The following TRIM60 variants were observed in gnomAD, a reference collection of about 807,000 sequenced individuals.
TRIM60 encodes the protein tripartite motif containing 60, also known as tripartite motif-containing protein 60.
For missense variants in TRIM60, 524 were observed against 540.8 expected (o/e 0.97, Z 0.31); for synonymous variants, 189 against 195.2 (o/e 0.97, Z 0.27).
rs1280877877 is a variant in TRIM60 at position 165,034,849 on chromosome 4, GAGATAT to G, written c.-57+2740_-57+2745del. Reference sequence around the variant, plus strand: ...CACCTTTTCTAATTAGGAGCAGTGAGAGATATAGTAGCTTTTAGACCAAAATAGTAC... The same window carrying G: ...CACCTTTTCTAATTAGGAGCAGTGAGAGTAGCTTTTAGACCAAAATAGTAC... On this transcript the variant is annotated intron_variant, in intron 1 of 2. Coordinates refer to ENST00000512596, the MANE Select transcript of TRIM60 (RefSeq NM_152620.3). Among the ~76,000 whole-genome samples the G allele has an allele frequency of 3.0e-4, 46 of 152,316 alleles. No individual in the cohort carries two copies. In the East Asian group the frequency reaches 6.9e-3, roughly 23 times the overall value.
chr4:165,032,782 C>T (rs1733534981), intron 1 of TRIM60, among the ~76,000 whole-genome samples: 1 of 152,166 alleles, frequency 6.6e-6, no homozygotes. Flanking sequence ...AAAGTTTAGG[C>T]TCACTTACGT....
rs1220635259 is a variant in TRIM60, at chr4:165,041,347, T to G, written c.1275T>G (p.Asp425Glu). 6.2e-7 allele frequency: 1 copy of G among 1,614,048 alleles called. No homozygotes were observed. The highest frequency in any genetic ancestry group is 8.5e-7 in the Non-Finnish European group (1 of 1,180,024). Residue 425 changes from aspartate to glutamate, a missense_variant, in exon 3 of 3, where the codon GAT (aspartate) becomes GAG (glutamate). By Grantham distance (45) the Asp-to-Glu change is conservative. Coordinates refer to ENST00000512596, the MANE Select transcript of TRIM60 (RefSeq NM_152620.3). ...TTTTTCTGGACTATGAATTGGGTGA[T>G]CTTTCCTTTTATAATATGAATGATA... ...IGIFLDYELG[D>E]LSFYNMNDRS...
rs1260322641 is a variant in TRIM60 at position 165,040,950 on chromosome 4, T to C, written c.878T>C (p.Phe293Ser). 1 of 1,613,998 alleles carries C rather than the reference T, an allele frequency of 6.2e-7. No individual in the cohort carries two copies. Reference protein sequence around the residue: ...YSGLDRIIKPFQVDVILDLNT... With the variant: ...YSGLDRIIKPSQVDVILDLNT... ...GGCTTGGACAGAATTATCAAGCCAT[T>C]TCAAGTAGATGTGATTCTAGATCTC... The change falls in exon 3 of 3, where the codon TTT (phenylalanine) becomes TCT (serine). Residue 293 changes from phenylalanine to serine, a missense_variant. Transcript: ENST00000512596.
intron 2 of TRIM60, 77 bp from the exon 3 acceptor site, chr4:165,039,992 C>G: frequency 1.7e-6 from 2 of 1,202,070 alleles, no homozygotes; most frequent in South Asian, 1.5e-5. Flanking sequence ...GGGGTATCCA[C>G]TTCTCACTGG....
intron 2 of TRIM60, 43 bp from the exon 3 acceptor site, chr4:165,040,026 C>T: frequency 1.3e-6 from 2 of 1,531,482 alleles, no homozygotes; most frequent in Non-Finnish European, 1.8e-6. Context: ...GGAGGCAGGA[C>T]TGATCAAAGG....
rs1560909791 is a variant in TRIM60, at chr4:165,040,777, G to A, written c.705G>A (p.Arg235=). Residue 235 remains arginine, a synonymous_variant, in exon 3 of 3, where the codon AGG becomes AGA. Transcript: ENST00000512596. ...DYVSTLKHLL[R]EVEGKSVQSN... is the part of the protein sequence containing the mutation. Reference sequence around the variant, plus strand: ...TTTCCACATTAAAACATCTACTGAGGGAGGTAGAGGGCAAGTCTGTGCAGT... The same window carrying A: ...TTTCCACATTAAAACATCTACTGAGAGAGGTAGAGGGCAAGTCTGTGCAGT... The A allele has an allele frequency of 6.2e-7, 1 of 1,614,150 alleles. No individual in the cohort carries two copies. The highest frequency in any genetic ancestry group is 1.1e-5 in the South Asian group (1 of 91,082).
chr4:165,037,830 C>T lies in TRIM60; in HGVS notation c.-56-1371C>T, dbSNP rs190380634. Among the ~76,000 whole-genome samples, 6 of 152,218 alleles carry T rather than the reference C, an allele frequency of 3.9e-5. No homozygotes were observed. The East Asian group carries it at 1.2e-3, about 29-fold the overall frequency. On this transcript the variant is annotated intron_variant, in intron 1 of 2. Coordinates refer to ENST00000512596, the MANE Select transcript of TRIM60 (RefSeq NM_152620.3). ...TATCTTTTGTAACATTGACATTATT[C>T]TCTATTTGTATTATTTTTGGATTTT...
In TRIM60 at chr4:165,041,133, T is replaced by C. The variant is rs1446383855; in HGVS notation, c.1061T>C (p.Val354Ala). The change falls in exon 3 of 3, where the codon GTA becomes GCA. Residue 354 changes from valine to alanine, a missense_variant. Physicochemically the swap from Val to Ala is moderately conservative, Grantham distance 64. Coordinates refer to ENST00000512596, the MANE Select transcript of TRIM60 (RefSeq NM_152620.3). ...RFSSGRHYWE[V>A]EVGNKPKWIL... ...AGTTCTGGCCGACATTACTGGGAAG[T>C]AGAAGTGGGAAACAAACCTAAATGG... The C allele has an allele frequency of 1.9e-6, 3 of 1,614,092 alleles. No homozygotes were observed. In the African/African-American group the frequency reaches 4.0e-5, roughly 22 times the overall value.
Position 165,040,700 on chromosome 4 carries a change from A to G in TRIM60, c.628A>G (p.Met210Val). Residue 210 changes from methionine to valine, a missense_variant, in exon 3 of 3, where the codon ATG becomes GTG. Met to Val is a conservative substitution (Grantham distance 21, BLOSUM62 1). Coordinates refer to ENST00000512596, the MANE Select transcript of TRIM60 (RefSeq NM_152620.3). ...MILRQIQDEE[M>V]NILAKLNENL... ...TCTTAGGCAGATACAAGATGAAGAG[A>G]TGAACATTTTAGCAAAACTAAATGA... 3.7e-6 allele frequency: 6 copies of G among 1,613,980 alleles called. No homozygotes were observed. The highest frequency in any genetic ancestry group is 1.1e-5 in the South Asian group (1 of 91,040).
At position 165,040,282 on chromosome 4, in the gene TRIM60, G is replaced by A. The variant is rs761092020; in HGVS notation, c.210G>A (p.Gln70=). 6.2e-7 allele frequency: 1 copy of A among 1,614,152 alleles called. No homozygotes were observed. Among genetic ancestry groups the A allele is most frequent in the East Asian group, 2.2e-5 (1 of 44,882 alleles). The change falls in exon 3 of 3, where the codon CAG becomes CAA. Residue 70 remains glutamine, a synonymous_variant. Coordinates refer to ENST00000512596, the MANE Select transcript of TRIM60 (RefSeq NM_152620.3). ...FPYKSFRRNP[Q]LRNLTEIAKQ... ...ACAAGAGCTTCAGGAGGAACCCCCA[G>A]CTCCGTAATTTGACTGAAATTGCTA... is the stretch of plus-strand genomic sequence containing the variant.
intron 1 of TRIM60, among the ~76,000 whole-genome samples, chr4:165,038,660 G>T (rs1733678116): frequency 7.2e-6 from 1 of 139,178 alleles, no homozygotes; most frequent in Admixed American, 7.2e-5. Context: ...AAAAAAAAAA[G>T]CCTGCTTTTT....
Position 165,040,688 on chromosome 4 carries a change from C to G in TRIM60, c.616C>G (p.Gln206Glu). 2 of 1,613,670 alleles carry G rather than the reference C, an allele frequency of 1.2e-6. No individual in the cohort carries two copies. The highest frequency in any genetic ancestry group is 1.7e-6 in the Non-Finnish European group (2 of 1,179,870). The change falls in exon 3 of 3, where the codon CAA (glutamine) becomes GAA (glutamate). Residue 206 changes from glutamine to glutamate, a missense_variant. Transcript: ENST00000512596. ...NEQEMILRQI[Q>E]DEEMNILAKL... is the part of the protein sequence containing the mutation. ...ACAAGAGATGATTCTTAGGCAGATACAAGATGAAGAGATGAACATTTTAGC... is the reference window on the plus strand; with the variant it reads ...ACAAGAGATGATTCTTAGGCAGATAGAAGATGAAGAGATGAACATTTTAGC...
At chr4:165,034,641 A>T (rs983843611) in intron 1 of TRIM60, among the ~76,000 whole-genome samples, 3 of 152,224 alleles carry the variant, frequency 2.0e-5, no homozygotes, top group African/African-American at 7.2e-5. Context: ...TTGCAATGAC[A>T]TTGTTATTTA....
At position 165,041,068 on chromosome 4, in the gene TRIM60, A is replaced by AT. The variant is rs1733752714; in HGVS notation, c.1000dup (p.Tyr334LeufsTer13). Reference sequence around the variant, plus strand: ...GAAACATTTGTTATGACCCAAGGAGATTTTATGTCTGCCCTGCTGTCCTAG... The same window carrying AT: ...GAAACATTTGTTATGACCCAAGGAGATTTTTATGTCTGCCCTGCTGTCCTAG... On this transcript the variant is annotated frameshift_variant, in exon 3 of 3. Transcript: ENST00000512596. LOFTEE classifies it low-confidence loss of function (END_TRUNC). 6.2e-7 allele frequency: 1 copy of AT among 1,614,030 alleles called. No homozygotes were observed. The highest frequency in any genetic ancestry group is 1.3e-5 in the African/African-American group (1 of 74,914).
At chr4:165,033,451 A>G (rs1245014729) in intron 1 of TRIM60, among the ~76,000 whole-genome samples, 1 of 152,178 alleles carries the variant, frequency 6.6e-6, no homozygotes, top group Non-Finnish European at 1.5e-5. Flanking sequence ...TAAATGTAAA[A>G]ATCTCAACTG....
Position 165,041,401 on chromosome 4 carries a change from T to C in TRIM60, c.1329T>C (p.Cys443=). ...CTATTCTCTATACTTTTAACGATTG[T>C]TTCACAGAAGCCGTTTGGCCTTATT... ...DRSILYTFND[C]FTEAVWPYFY... is the part of the protein sequence containing the mutation. The change falls in exon 3 of 3, where the codon TGT becomes TGC. Residue 443 remains cysteine (C), a synonymous_variant. Transcript: ENST00000512596. 6.2e-7 allele frequency: 1 copy of C among 1,613,276 alleles called. No individual in the cohort carries two copies.
chr4:165,040,453 G>A lies in TRIM60; in HGVS notation c.381G>A (p.Lys127=). 6.2e-7 allele frequency: 1 copy of A among 1,614,174 alleles called. No homozygotes were observed. Among genetic ancestry groups the A allele is most frequent in the African/African-American group, 1.3e-5 (1 of 75,034 alleles). Residue 127 remains lysine (K), a synonymous_variant, in exon 3 of 3, where the codon AAG becomes AAA. Coordinates refer to ENST00000512596, the MANE Select transcript of TRIM60 (RefSeq NM_152620.3). ...TQCSFSTKHQ[K]HYICPIKKAA... is the part of the protein sequence containing the mutation. ...GCAGTTTCTCCACTAAACACCAGAA[G>A]CACTACATTTGCCCTATTAAGAAAG...
Position 165,040,491 on chromosome 4 carries a change from A to G in TRIM60, c.419A>G (p.His140Arg). 1 of 1,614,198 alleles carries G rather than the reference A, an allele frequency of 6.2e-7. No individual in the cohort carries two copies. The highest frequency in any genetic ancestry group is 8.5e-7 in the Non-Finnish European group (1 of 1,180,032). ...ICPIKKAASY[H>R]REILEGSLEP... ...CCTATTAAGAAAGCTGCCTCTTATC[A>G]CAGAGAAATTCTAGAAGGTAGCCTT... Residue 140 changes from histidine (H) to arginine (R), a missense_variant, in exon 3 of 3, where the codon CAC (histidine) becomes CGC (arginine). By Grantham distance (29) the His-to-Arg change is conservative. Transcript: ENST00000512596.
At position 165,040,189 on chromosome 4, in the gene TRIM60, C is replaced by T. The variant is rs770637035; in HGVS notation, c.117C>T (p.Cys39=). ...INCGHNFCRS[C]LSVSWKDLDD... ...GTGGGCACAACTTCTGTCGCTCCTGCCTCAGTGTATCCTGGAAGGATCTAG... is the reference window on the plus strand; with the variant it reads ...GTGGGCACAACTTCTGTCGCTCCTGTCTCAGTGTATCCTGGAAGGATCTAG... Residue 39 remains cysteine (C), a synonymous_variant, in exon 3 of 3, where the codon TGC becomes TGT. Transcript: ENST00000512596. 6.2e-7 allele frequency: 1 copy of T among 1,614,166 alleles called. No homozygotes were observed. Among genetic ancestry groups the T allele is most frequent in the Non-Finnish European group, 8.5e-7 (1 of 1,180,036 alleles).
Sources: allele counts gnomAD v4.1 joint callset (sites outside exome capture counted in the v4.1 genomes callset), GRCh38; gene constraint gnomAD v4.1.1; transcripts MANE v1.5; gene names NCBI Gene and HGNC (gene_info 2026-07-23, HGNC 2026-07-21).